MCTP1: variants seen among roughly 807,000 people sequenced by gnomAD.
MCTP1 encodes multiple C2 and transmembrane domain-containing protein 1.
MCTP1 carries 69 observed loss-of-function variants against 120.6 expected under a neutral mutation model. The ratio of observed to expected loss-of-function variants is 0.57; its 90% CI spans 0.47 to 0.70. MCTP1 has a LOEUF of 0.70. MCTP1 is among the 30% of genes least tolerant of loss of function. The pLI is 0.00. For synonymous variants in MCTP1, 529 were observed against 493.1 expected, an observed-to-expected ratio of 1.07 and a Z score of -0.96; for missense variants, 1,203 against 1,248.8, an observed-to-expected ratio of 0.96 and a Z score of 0.55.
chr5:95,220,234 A>G (rs2152605917), intron 1 of MCTP1, among the ~76,000 whole-genome samples: 1 of 152,292 alleles, frequency 6.6e-6, no homozygotes, highest in African/African-American at 2.4e-5. Flanking sequence ...TGTGTGTTTA[A>G]CCAAGCACAA....
At position 94,706,769 on chromosome 5, in the gene MCTP1, C is replaced by CT. The variant is rs1754742551; in HGVS notation, c.*726_*727insA. The stretch of plus-strand genomic sequence containing the variant: ...AGGTATAAAAATTCAGATAGGCAAT[C>CT]GTTTATAAACTGGCAGTATTTATGT... On this transcript the variant is annotated 3_prime_UTR_variant, in exon 23 of 23. Transcript: ENST00000515393. The CT allele has an allele frequency of 6.6e-6, 1 of 151,662 alleles. No homozygotes were observed. The highest frequency in any genetic ancestry group is 6.6e-5 in the Admixed American group (1 of 15,184). 9.4% of individuals were successfully genotyped at this position (151,662 alleles called of 1,614,324 possible). A position where few individuals can be genotyped will look rare whatever the true frequency, so the allele number is the denominator to read the frequency against.
chr5:94,790,792 G>C (rs1778729650), intron 18 of MCTP1, among the ~76,000 whole-genome samples: 1 of 152,068 alleles, frequency 6.6e-6, no homozygotes, highest in Admixed American at 6.6e-5. Context: ...GATAATTAGT[G>C]GTTACCCAGG....
At chr5:95,179,541 C>T (rs188325842) in intron 1 of MCTP1, among the ~76,000 whole-genome samples, 316 of 152,146 alleles carry the variant, frequency 2.1e-3, no homozygotes, top group Admixed American at 3.3e-3. Context: ...TTAAACAAAA[C>T]AATTATCAAC....
At chr5:94,889,116 A>G in intron 11 of MCTP1, 144 bp from the exon 12 acceptor site, 1 of 550,474 alleles carries the variant, frequency 1.8e-6, no homozygotes, top group Non-Finnish European at 3.2e-6. Context: ...TTTTTTTTTT[A>G]CTGTTTTCCT....
At chr5:95,230,256 G>A (rs143125521) in intron 1 of MCTP1, among the ~76,000 whole-genome samples, 11 of 148,938 alleles carry the variant, frequency 7.4e-5, no homozygotes, top group African/African-American at 2.2e-4. Context: ...ATACACACAC[G>A]CACACAAAAT....
intron 18 of MCTP1, 87 bp from the exon 19 acceptor site, chr5:94,779,250 T>G: frequency 2.7e-6 from 3 of 1,094,096 alleles, no homozygotes; most frequent in Non-Finnish European, 4.2e-6. Context: ...AATGAAAACT[T>G]TATTAACATT....
intron 1 of MCTP1, among the ~76,000 whole-genome samples, chr5:95,271,637 G>A (rs1312112298): frequency 2.0e-5 from 3 of 152,098 alleles, no homozygotes; most frequent in East Asian, 3.8e-4. Flanking sequence ...AATTCAATGA[G>A]TGCTCTTCCA....
intron 3 of MCTP1, among the ~76,000 whole-genome samples, chr5:94,946,335 T>C (rs1258236643): frequency 6.6e-6 from 1 of 152,094 alleles, no homozygotes; most frequent in Non-Finnish European, 1.5e-5. Flanking sequence ...ATGGGCCAGC[T>C]CATATCACAT....
At chr5:95,078,162 G>C (rs1012682398) in intron 1 of MCTP1, among the ~76,000 whole-genome samples, 3 of 152,096 alleles carry the variant, frequency 2.0e-5, no homozygotes, top group African/African-American at 4.8e-5. Flanking sequence ...AATCAAAATG[G>C]ACCTAGTTGT....
At chr5:94,863,101 T>C (rs890202760) in intron 17 of MCTP1, among the ~76,000 whole-genome samples, 1 of 151,834 alleles carries the variant, frequency 6.6e-6, no homozygotes, top group Admixed American at 6.6e-5. Context: ...GTAAGCTTAG[T>C]AGGTGTGTAT....
chr5:95,187,204 T>A (rs1283431192), intron 1 of MCTP1, among the ~76,000 whole-genome samples: 1 of 152,192 alleles, frequency 6.6e-6, no homozygotes, highest in Non-Finnish European at 1.5e-5. Context: ...GCAACGTAAG[T>A]GTCCATCAGC....
At chr5:94,827,456 C>T (rs1289356396) in intron 17 of MCTP1, among the ~76,000 whole-genome samples, 1 of 152,084 alleles carries the variant, frequency 6.6e-6, no homozygotes, top group Non-Finnish European at 1.5e-5. Flanking sequence ...CTTGGGGTTG[C>T]TCTTCTCGAG....
intron 19 of MCTP1, among the ~76,000 whole-genome samples, chr5:94,735,483 C>T (rs974939832): frequency 2.0e-5 from 3 of 152,000 alleles, no homozygotes; most frequent in Non-Finnish European, 4.4e-5. Flanking sequence ...TTCCATGATG[C>T]CCAGGCTGGT....
chr5:95,199,931 C>T (rs957140897), intron 1 of MCTP1, among the ~76,000 whole-genome samples: 2 of 151,332 alleles, frequency 1.3e-5, no homozygotes, highest in African/African-American at 4.9e-5. Context: ...GAGGCCGAGG[C>T]AGGCGGATCA....
intron 2 of MCTP1, among the ~76,000 whole-genome samples, chr5:94,964,666 C>T (rs1020332732): frequency 3.3e-5 from 5 of 152,120 alleles, no homozygotes; most frequent in Non-Finnish European, 7.4e-5. Context: ...TACGCTTGCT[C>T]TCTTTTGGTT....
At chr5:94,819,154 A>C (rs887485810) in intron 17 of MCTP1, among the ~76,000 whole-genome samples, 21 of 121,228 alleles carry the variant, frequency 1.7e-4, no homozygotes, top group African/African-American at 5.9e-4. Flanking sequence ...TTCGAGATGG[A>C]GTCTCACTCT....
At chr5:94,754,929 G>A (rs1232667565) in intron 19 of MCTP1, among the ~76,000 whole-genome samples, 3 of 152,184 alleles carry the variant, frequency 2.0e-5, no homozygotes, top group South Asian at 2.1e-4. Flanking sequence ...TGTTCTTTCT[G>A]TATTATCCTG....
intron 19 of MCTP1, among the ~76,000 whole-genome samples, chr5:94,735,160 C>T (rs1763941685): frequency 6.6e-6 from 1 of 152,166 alleles, no homozygotes; most frequent in South Asian, 2.1e-4. Flanking sequence ...AGTTTCCACT[C>T]CCACCAGGAG....
intron 2 of MCTP1, among the ~76,000 whole-genome samples, chr5:94,995,995 A>C (rs1832549982): frequency 6.6e-6 from 1 of 152,192 alleles, no homozygotes; most frequent in Non-Finnish European, 1.5e-5. Flanking sequence ...AATAATTATA[A>C]AATTATTCTT....
Sources: gnomAD v4.1 joint callset for allele counts (sites outside exome capture counted in the v4.1 genomes callset) on GRCh38, gnomAD v4.1.1 for gene constraint, MANE v1.5 for transcripts, NCBI Gene and HGNC (gene_info 2026-07-23, HGNC 2026-07-21) for gene names.